Variants in PPP1R3B observed in about 807,000 individuals in gnomAD.
The protein encoded by PPP1R3B is PP1 subunit R4.
PPP1R3B carries 8 observed loss-of-function variants against 14.6 expected under a neutral mutation model. The ratio of observed to expected loss-of-function variants is 0.55; its 90% confidence interval spans 0.32 to 0.99. PPP1R3B has a LOEUF of 0.99. Ranked by LOEUF, PPP1R3B falls within the 50% of genes least tolerant of loss-of-function variation. The probability of loss-of-function intolerance (pLI) is 0.04; values close to 1 mark genes in which losing one functional copy is unlikely to be tolerated. For missense variants in PPP1R3B, 452 were observed against 360.1 expected (o/e 1.26, Z -2.07); for synonymous variants, 169 against 142.0 (o/e 1.19, Z -1.35).
At position 9,138,616 on chromosome 8, in the gene PPP1R3B, C is replaced by T. The variant is rs576306096; in HGVS notation, c.*2178G>A. ...AAATGGGAGGTCTTTTCAAATTAAT[C>T]TGGAAAATCCAAGCACAAGACTCTT... is the stretch of plus-strand genomic sequence containing the variant. On this transcript the variant is annotated 3_prime_UTR_variant, in exon 2 of 2. Coordinates refer to ENST00000310455, the MANE Select transcript of PPP1R3B (RefSeq NM_024607.4). 2.6e-4 allele frequency: 39 copies of T among 152,280 alleles called. No homozygotes were observed. The East Asian group carries it at 7.1e-3, about 28-fold the overall frequency. 9.4% of individuals were successfully genotyped at this position (152,280 alleles called of 1,614,324 possible).
chr8:9,138,389 G>C lies in PPP1R3B; in HGVS notation c.*2405C>G, dbSNP rs111367977. ...GAGAGGTACAAAAAACAAAGCATTA[G>C]ATTTCAGGCTAAGAACAGCCAGTTT... On this transcript the variant is annotated 3_prime_UTR_variant, in exon 2 of 2. Transcript: ENST00000310455. 1 of 152,168 alleles carries C rather than the reference G, an allele frequency of 6.6e-6. No individual in the cohort carries two copies. Among genetic ancestry groups the C allele is most frequent in the Non-Finnish European group, 1.5e-5 (1 of 68,036 alleles). The allele number at this position is 152,168 out of a possible 1,614,324, so 9.4% of individuals were successfully genotyped here.
chr8:9,144,960 G>A (rs1226072109), intron 1 of PPP1R3B, among the ~76,000 whole-genome samples: 1 of 151,928 alleles, frequency 6.6e-6, no homozygotes, highest in Non-Finnish European at 1.5e-5. Flanking sequence ...TGGCCAAGCT[G>A]GTCTCAAACT....
chr8:9,141,290 T>G lies in PPP1R3B; in HGVS notation c.362A>C (p.Tyr121Ser), dbSNP rs1375895776. The change falls in exon 2 of 2, where the codon TAC (tyrosine) becomes TCC (serine). Residue 121 changes from tyrosine to serine, a missense_variant. Coordinates refer to ENST00000310455, the MANE Select transcript of PPP1R3B (RefSeq NM_024607.4). ...VLDFSQPSADYLDFRNRLQAD... is the reference protein window; with the variant it reads ...VLDFSQPSADSLDFRNRLQAD... Reference sequence around the variant, plus strand: ...CTGAAGTCGATTTCTAAAGTCTAAGTAATCTGCAGAGGGCTGGGAAAAATC... The same window carrying G: ...CTGAAGTCGATTTCTAAAGTCTAAGGAATCTGCAGAGGGCTGGGAAAAATC... 6.2e-7 allele frequency: 1 copy of G among 1,614,154 alleles called. No individual in the cohort carries two copies. Among genetic ancestry groups the G allele is most frequent in the East Asian group, 2.2e-5 (1 of 44,890 alleles).
At position 9,140,983 on chromosome 8, in the gene PPP1R3B, G is replaced by A; in HGVS notation, c.669C>T (p.Asp223=). The change falls in exon 2 of 2, where the codon GAC becomes GAT. Residue 223 remains aspartate (D), a synonymous_variant. Transcript: ENST00000310455. ...YYECNGQTYW[D]SNRGKNYRII... is the part of the protein sequence containing the mutation. Reference sequence around the variant, plus strand: ...TCCTATAGTTCTTGCCTCTGTTGCTGTCCCAGTACGTCTGTCCATTGCACT... The same window carrying A: ...TCCTATAGTTCTTGCCTCTGTTGCTATCCCAGTACGTCTGTCCATTGCACT... 6.2e-7 allele frequency: 1 copy of A among 1,614,058 alleles called. No individual in the cohort carries two copies. The highest frequency in any genetic ancestry group is 8.5e-7 in the Non-Finnish European group (1 of 1,179,926).
Position 9,139,099 on chromosome 8 carries a change from G to C in PPP1R3B, c.*1695C>G, listed in dbSNP as rs546009201. 6.6e-6 allele frequency: 1 copy of C among 152,222 alleles called. No individual in the cohort carries two copies. The highest frequency in any genetic ancestry group is 2.1e-4 in the South Asian group (1 of 4,822). The allele number at this position is 152,222 out of a possible 1,614,324, so 9.4% of individuals were successfully genotyped here. On this transcript the variant is annotated 3_prime_UTR_variant, in exon 2 of 2. Coordinates refer to ENST00000310455, the MANE Select transcript of PPP1R3B (RefSeq NM_024607.4). ...CACTCAGCTAAATTTTGTATTTTTA[G>C]TACAGACGAGGTTTCACCATGTTGG...
In PPP1R3B at chr8:9,140,929, C is replaced by A; in HGVS notation, c.723G>T (p.Gln241His). The change falls in exon 2 of 2, where the codon CAG becomes CAT. Residue 241 changes from glutamine to histidine, a missense_variant. Coordinates refer to ENST00000310455, the MANE Select transcript of PPP1R3B (RefSeq NM_024607.4). ...RIIRAELKST[Q>H]GMTKPHSGPD... Reference sequence around the variant, plus strand: ...GTCCACTGTGGGGCTTGGTCATTCCCTGGGTAGATTTTAACTCAGCCCGGA... The same window carrying A: ...GTCCACTGTGGGGCTTGGTCATTCCATGGGTAGATTTTAACTCAGCCCGGA... The A allele has an allele frequency of 6.2e-7, 1 of 1,614,218 alleles. No individual in the cohort carries two copies. Among genetic ancestry groups the A allele is most frequent in the South Asian group, 1.1e-5 (1 of 91,086 alleles).
rs1358466343 is a variant in PPP1R3B, at chr8:9,138,841, T to C, written c.*1953A>G. The C allele has an allele frequency of 2.6e-5, 4 of 152,216 alleles. No individual in the cohort carries two copies. The highest frequency in any genetic ancestry group is 4.8e-5 in the African/African-American group (2 of 41,450). 9.4% of individuals were successfully genotyped at this position (152,216 alleles called of 1,614,324 possible). A position where few individuals can be genotyped will look rare whatever the true frequency, so the allele number is the denominator to read the frequency against. On this transcript the variant is annotated 3_prime_UTR_variant, in exon 2 of 2. Coordinates refer to ENST00000310455, the MANE Select transcript of PPP1R3B (RefSeq NM_024607.4). ...CTACAAGTATACTTGTAAAAATATA[T>C]TTTTAAAGCACCCCTAAGTAAACAC...
chr8:9,147,706 G>T (rs991351841), intron 1 of PPP1R3B, among the ~76,000 whole-genome samples: 2 of 151,734 alleles, frequency 1.3e-5, no homozygotes. Flanking sequence ...TTGTCCCTGA[G>T]ATCCCTTTTT....
Position 9,145,967 on chromosome 8 carries a change from C to G in PPP1R3B, c.-17-4299G>C, listed in dbSNP as rs531119152. On this transcript the variant is annotated intron_variant, in intron 1 of 1. Coordinates refer to ENST00000310455, the MANE Select transcript of PPP1R3B (RefSeq NM_024607.4). The stretch of plus-strand genomic sequence containing the variant: ...TCACTGGAACCTCAAACTCCTGGGC[C>G]CAAGCAATCCTCCCGCCTCAGCCTC... 2.6e-4 allele frequency among the ~76,000 whole-genome samples: 39 copies of G among 151,912 alleles called. No homozygotes were observed. In the South Asian group the frequency reaches 7.9e-3, roughly 31 times the overall value.
At chr8:9,144,525 T>A (rs1801176192) in intron 1 of PPP1R3B, among the ~76,000 whole-genome samples, 1 of 152,134 alleles carries the variant, frequency 6.6e-6, no homozygotes, top group Non-Finnish European at 1.5e-5. Context: ...TTAAAATTGG[T>A]ACAAACTTTC....
At chr8:9,151,459 G>C (rs1801431420), upstream of PPP1R3B, 10 of 162,330 alleles carry the variant, frequency 6.2e-5, no homozygotes, top group South Asian at 1.4e-3. Flanking sequence ...GCTCGGGTTC[G>C]CGCCCCCCGC....
In PPP1R3B at chr8:9,136,948, C is replaced by G. The variant is rs143629894; in HGVS notation, c.*3846G>C. 1 of 152,290 alleles carries G rather than the reference C, an allele frequency of 6.6e-6. No homozygotes were observed. Among genetic ancestry groups the G allele is most frequent in the African/African-American group, 2.4e-5 (1 of 41,564 alleles). 9.4% of individuals were successfully genotyped at this position (152,290 alleles called of 1,614,324 possible). On this transcript the variant is annotated 3_prime_UTR_variant, in exon 2 of 2. Transcript: ENST00000310455. Reference sequence around the variant, plus strand: ...TATATGGCCCATTTAATGTCCATGACTACAACTAATGCCTTTTTTCAAAAA... The same window carrying G: ...TATATGGCCCATTTAATGTCCATGAGTACAACTAATGCCTTTTTTCAAAAA...
intron 1 of PPP1R3B, among the ~76,000 whole-genome samples, chr8:9,145,773 T>C (rs1177021559): frequency 1.3e-5 from 2 of 152,200 alleles, no homozygotes; most frequent in Admixed American, 6.5e-5. Flanking sequence ...TAAAATAATA[T>C]TGCTTCTATC....
Position 9,140,631 on chromosome 8 carries a change from G to C in PPP1R3B, c.*163C>G. Reference sequence around the variant, plus strand: ...TGGTTGTGTAATCTGAACCTGGCTGGATTTGCTGTTTAAGAAAGAAGTGAA... The same window carrying C: ...TGGTTGTGTAATCTGAACCTGGCTGCATTTGCTGTTTAAGAAAGAAGTGAA... On this transcript the variant is annotated 3_prime_UTR_variant, in exon 2 of 2. Transcript: ENST00000310455. The C allele has an allele frequency of 1.4e-6, 1 of 726,142 alleles. No homozygotes were observed. The highest frequency in any genetic ancestry group is 2.2e-6 in the Non-Finnish European group (1 of 452,128). The allele number at this position is 726,142 out of a possible 1,614,324, so 45.0% of individuals were successfully genotyped here. A position where few individuals can be genotyped will look rare whatever the true frequency, so the allele number is the denominator to read the frequency against.
At chr8:9,149,112 G>C (rs1239489176) in intron 1 of PPP1R3B, among the ~76,000 whole-genome samples, 1 of 149,082 alleles carries the variant, frequency 6.7e-6, no homozygotes, top group African/African-American at 2.5e-5. Context: ...AGAATGGCGC[G>C]AACCCGGGAG....
Position 9,140,686 on chromosome 8 carries a change from C to T in PPP1R3B, c.*108G>A. On this transcript the variant is annotated 3_prime_UTR_variant, in exon 2 of 2. Coordinates refer to ENST00000310455, the MANE Select transcript of PPP1R3B (RefSeq NM_024607.4). Reference sequence around the variant, plus strand: ...ATCCTTTTATTTTCCCAAACGGGGCCTCATGGAAGTTCCACGTTGCTCCTC... The same window carrying T: ...ATCCTTTTATTTTCCCAAACGGGGCTTCATGGAAGTTCCACGTTGCTCCTC... 1 of 1,180,922 alleles carries T rather than the reference C, an allele frequency of 8.5e-7. No homozygotes were observed. The highest frequency in any genetic ancestry group is 2.3e-5 in the Admixed American group (1 of 43,258). 73.2% of individuals were successfully genotyped at this position (1,180,922 alleles called of 1,614,324 possible). A position where few individuals can be genotyped will look rare whatever the true frequency, so the allele number is the denominator to read the frequency against.
intron 1 of PPP1R3B, 71 bp from the exon 2 acceptor site, chr8:9,141,739 A>G: frequency 7.0e-7 from 1 of 1,433,258 alleles, no homozygotes; most frequent in Admixed American, 2.2e-5. Flanking sequence ...GTGTAAAGGC[A>G]TCATTCCAGC....
intron 1 of PPP1R3B, among the ~76,000 whole-genome samples, chr8:9,145,041 C>G (rs183551077): frequency 6.6e-6 from 1 of 151,976 alleles, no homozygotes; most frequent in African/African-American, 2.4e-5. Flanking sequence ...GCCATCATGG[C>G]CAGCCCATGT....
At position 9,141,507 on chromosome 8, in the gene PPP1R3B, T is replaced by C. The variant is rs757129330; in HGVS notation, c.145A>G (p.Met49Val). Reference protein sequence around the residue: ...QLSSKNEASGMVAPAVQEKKV... With the variant: ...QLSSKNEASGVVAPAVQEKKV... ...TTCTCCTGGACAGCCGGGGCCACCA[T>C]TCCACTGGCTTCATTCTTGCTGCTC... Residue 49 changes from methionine to valine, a missense_variant, in exon 2 of 2, where the codon ATG (methionine) becomes GTG (valine). By Grantham distance (21) the Met-to-Val change is conservative. Transcript: ENST00000310455. 11 of 1,614,062 alleles carry C rather than the reference T, an allele frequency of 6.8e-6. No homozygotes were observed. In the Admixed American group the frequency reaches 1.2e-4, roughly 17 times the overall value.
Sources: gnomAD v4.1 joint callset for allele counts (sites outside exome capture counted in the v4.1 genomes callset) on GRCh38, gnomAD v4.1.1 for gene constraint, MANE v1.5 for transcripts, NCBI Gene and HGNC (gene_info 2026-07-23, HGNC 2026-07-21) for gene names.